Variants in ZPBP2 observed in about 807,000 individuals in gnomAD.
The protein encoded by ZPBP2 is zona pellucida-binding protein 2.
A neutral mutation model predicts 37.5 loss-of-function variants in ZPBP2; 34 were observed. The observed-to-expected ratio is 0.91, with a 90% CI of 0.69 to 1.21. ZPBP2 has a LOEUF of 1.21. Among genes scored for constraint, ZPBP2 ranks in the 50% most tolerant of loss-of-function variants. The pLI is 0.00. For missense variants in ZPBP2, 397 were observed against 413.5 expected (o/e 0.96, Z 0.35); for synonymous variants, 143 against 138.4 (o/e 1.03, Z -0.23).
In ZPBP2 at chr17:39,871,586, GA is replaced by G; in HGVS notation, c.373del (p.Thr125GlnfsTer32). The G allele has an allele frequency of 1.9e-6, 3 of 1,594,310 alleles. No individual in the cohort carries two copies. The highest frequency in any genetic ancestry group is 2.6e-6 in the Non-Finnish European group (3 of 1,172,564). On this transcript the variant is annotated frameshift_variant, in exon 4 of 8. Transcript: ENST00000348931. LOFTEE classifies it high-confidence loss of function. ...YKTVKAETQEEKTVKKRYDFM... is the reference protein window; with the variant it reads ...YKTVKAETQEXKTVKKRYDFM... Reference sequence around the variant, plus strand: ...GACTGTTAAAGCAGAAACTCAAGAAGAAAAAACAGTCAAAAAGAGATATGAC... The same window carrying G: ...GACTGTTAAAGCAGAAACTCAAGAAGAAAAACAGTCAAAAAGAGATATGAC...
In ZPBP2 at chr17:39,870,758, T is replaced by TA; in HGVS notation, c.189dup (p.Glu64ArgfsTer13). On this transcript the variant is annotated frameshift_variant, in exon 3 of 8. Coordinates refer to ENST00000348931, the MANE Select transcript of ZPBP2 (RefSeq NM_199321.3). LOFTEE classifies it high-confidence loss of function. ...TTATCTGTATGGATTTTAAGCTTTC[T>TA]AAAAAAGAAATAGTGGACCCCACCT... The TA allele has an allele frequency of 1.3e-6, 2 of 1,573,166 alleles. No individual in the cohort carries two copies. Among genetic ancestry groups the TA allele is most frequent in the Non-Finnish European group, 1.7e-6 (2 of 1,153,192 alleles).
chr17:39,873,142 T>A lies in ZPBP2; in HGVS notation c.708+16T>A. 6.2e-7 allele frequency: 1 copy of A among 1,602,030 alleles called. No homozygotes were observed. Among genetic ancestry groups the A allele is most frequent in the Non-Finnish European group, 8.5e-7 (1 of 1,175,390 alleles). On this transcript the variant is annotated intron_variant, in intron 6 of 7. Coordinates refer to ENST00000348931, the MANE Select transcript of ZPBP2 (RefSeq NM_199321.3). ...TATCCTCCAGGTGAGAATTTCATGGTAAGGAAGAAGTATTTGTCTTTTTCT... is the reference window on the plus strand; with the variant it reads ...TATCCTCCAGGTGAGAATTTCATGGAAAGGAAGAAGTATTTGTCTTTTTCT...
chr17:39,873,285 G>GA (rs2144643472), intron 6 of ZPBP2, 159 bp downstream of exon 6: 1 of 186,710 alleles, frequency 5.4e-6, no homozygotes, highest in East Asian at 1.9e-4. Context: ...GGAAGTATTT[G>GA]AAAATCAATA....
In ZPBP2 at chr17:39,874,996, G is replaced by A. The variant is rs62066990; in HGVS notation, c.709-258G>A. Among the ~76,000 whole-genome samples the A allele has an allele frequency of 1.6e-3, 236 of 151,144 alleles. 2 individuals carry two copies. Among genetic ancestry groups the A allele is most frequent in the Non-Finnish European group, 2.1e-3 (142 of 67,708 alleles). On this transcript the variant is annotated intron_variant, in intron 6 of 7. Coordinates refer to ENST00000348931, the MANE Select transcript of ZPBP2 (RefSeq NM_199321.3). ...GAACTCTTGACCTCGCGATCTGCCC[G>A]CCTTGGCCTCCCAAAGTGCTGGGTT...
At chr17:39,876,332 G>A (rs1207652091) in intron 7 of ZPBP2, among the ~76,000 whole-genome samples, 1 of 151,940 alleles carries the variant, frequency 6.6e-6, no homozygotes, top group Non-Finnish European at 1.5e-5. Flanking sequence ...GTACAATGAA[G>A]GAAAACAGAA....
chr17:39,870,863 A>G, intron 3 of ZPBP2, 44 bp downstream of exon 3: 1 of 1,399,468 alleles, frequency 7.1e-7, no homozygotes. Flanking sequence ...ATGTGAACAT[A>G]TTTTTAGAAA....
chr17:39,873,110 A>G lies in ZPBP2; in HGVS notation c.692A>G (p.Asn231Ser), dbSNP rs1042272039. 1 of 1,609,602 alleles carries G rather than the reference A, an allele frequency of 6.2e-7. No individual in the cohort carries two copies. Among genetic ancestry groups the G allele is most frequent in the African/African-American group, 1.3e-5 (1 of 74,586 alleles). ...TCTGTTGACTGTGAAGATACCACTA[A>G]TCATAATATCCTCCAGGTGAGAATT... ...NGSVDCEDTTNHNILQARDRI... is the reference protein window; with the variant it reads ...NGSVDCEDTTSHNILQARDRI... The change falls in exon 6 of 8, where the codon AAT becomes AGT. Residue 231 changes from asparagine (N) to serine (S), a missense_variant. Asn to Ser is a conservative substitution (Grantham distance 46, BLOSUM62 1). Transcript: ENST00000348931.
chr17:39,876,545 C>A, intron 7 of ZPBP2, 137 bp from the exon 8 acceptor site: 2 of 898,494 alleles, frequency 2.2e-6, no homozygotes, highest in Non-Finnish European at 3.3e-6. Context: ...ATGGGCTGAA[C>A]ATTACCTGGT....
intron 2 of ZPBP2, among the ~76,000 whole-genome samples, chr17:39,869,406 T>C (rs12941503): frequency 0.01 from 456 of 44,942 alleles, 1 homozygote; most frequent in African/African-American, 0.039. Context: ...TCCTTCCTTC[T>C]TTTTTTTTTT....
chr17:39,870,912 A>T (rs1054597340), intron 3 of ZPBP2, 93 bp downstream of exon 3: 2 of 1,135,598 alleles, frequency 1.8e-6, no homozygotes, highest in Non-Finnish European at 1.2e-6. Context: ...TTGAAATTTA[A>T]TTTTAATGGC....
chr17:39,872,650 T>G (rs1019520164), intron 5 of ZPBP2, among the ~76,000 whole-genome samples, 162 bp downstream of exon 5: 1 of 152,224 alleles, frequency 6.6e-6, no homozygotes, highest in South Asian at 2.1e-4. Context: ...GTTTTAAAAC[T>G]TAACACACTA....
chr17:39,876,581 A>G (rs969772644), intron 7 of ZPBP2, 101 bp from the exon 8 acceptor site: 2 of 1,332,994 alleles, frequency 1.5e-6, no homozygotes, highest in African/African-American at 2.9e-5. Flanking sequence ...AAATGGTATG[A>G]TATTAAAGGC....
chr17:39,874,567 G>A (rs2063380401), intron 6 of ZPBP2, among the ~76,000 whole-genome samples: 1 of 151,830 alleles, frequency 6.6e-6, no homozygotes, highest in African/African-American at 2.4e-5. Context: ...GAGTAGCTGG[G>A]ATTACAGGTG....
intron 2 of ZPBP2, among the ~76,000 whole-genome samples, chr17:39,869,995 T>C (rs1320198835): frequency 6.6e-6 from 1 of 152,136 alleles, no homozygotes; most frequent in Non-Finnish European, 1.5e-5. Flanking sequence ...ATTACAGGCA[T>C]GAGCCACCGC....
chr17:39,870,248 T>A (rs1265143034), intron 2 of ZPBP2, among the ~76,000 whole-genome samples: 1 of 152,026 alleles, frequency 6.6e-6, no homozygotes, highest in Non-Finnish European at 1.5e-5. Flanking sequence ...TTTGCCGTTT[T>A]CTTCAGGCTG....
In ZPBP2 at chr17:39,875,394, A is replaced by T; in HGVS notation, c.849A>T (p.Gly283=). 6.2e-7 allele frequency: 1 copy of T among 1,613,536 alleles called. No individual in the cohort carries two copies. The highest frequency in any genetic ancestry group is 8.5e-7 in the Non-Finnish European group (1 of 1,179,806). Residue 283 remains glycine (G), a synonymous_variant, in exon 7 of 8, where the codon GGA becomes GGT. Transcript: ENST00000348931. ...TGGATAGCTGTCGACCAGGCTTTGG[A>T]AAAAATGAACGTCTACACAGTAATT... ...VRLDSCRPGF[G]KNERLHSNCA... is the part of the protein sequence containing the mutation.
chr17:39,874,802 G>A (rs903642936), intron 6 of ZPBP2, among the ~76,000 whole-genome samples: 1 of 152,070 alleles, frequency 6.6e-6, no homozygotes, highest in Non-Finnish European at 1.5e-5. Context: ...CCAGGCTGGA[G>A]TGCAGTGGCA....
chr17:39,874,807 G>T (rs1453834747), intron 6 of ZPBP2, among the ~76,000 whole-genome samples: 2 of 152,130 alleles, frequency 1.3e-5, no homozygotes, highest in Non-Finnish European at 2.9e-5. Context: ...CTGGAGTGCA[G>T]TGGCACGATC....
intron 2 of ZPBP2, 40 bp downstream of exon 2, chr17:39,868,654 C>T (rs761349373): frequency 2.5e-6 from 4 of 1,610,948 alleles, no homozygotes; most frequent in South Asian, 1.1e-5. Flanking sequence ...ATTGGAGGGG[C>T]CGGAACTGCG....
Sources: allele counts gnomAD v4.1 joint callset (sites outside exome capture counted in the v4.1 genomes callset), GRCh38; gene constraint gnomAD v4.1.1; transcripts MANE v1.5; gene names NCBI Gene and HGNC (gene_info 2026-07-23, HGNC 2026-07-21).